The following CDK13 variants were observed in gnomAD, a reference collection of about 807,000 sequenced individuals.
CDK13 encodes cyclin-dependent kinase 13.
A neutral mutation model predicts 137.6 loss-of-function variants in CDK13; 40 were observed. The ratio of observed to expected loss-of-function variants is 0.29; its 90% CI spans 0.23 to 0.38. The LOEUF (loss-of-function observed/expected upper bound fraction) is 0.38. Ranked by LOEUF, CDK13 falls within the 10% of genes least tolerant of loss-of-function variation. The pLI, the probability that CDK13 is intolerant of heterozygous loss-of-function variation, is 1.00. For synonymous variants in CDK13, 869 were observed against 760.1 expected (o/e 1.14, Z -2.36); for missense variants, 1,704 against 1,951.8 (o/e 0.87, Z 2.39).
chr7:39,966,268 A>G (rs1783868140), intron 1 of CDK13, among the ~76,000 whole-genome samples: 1 of 152,074 alleles, frequency 6.6e-6, no homozygotes, highest in East Asian at 1.9e-4. Context: ...TCAGATGTAG[A>G]TTTGGTGTTT....
At chr7:39,954,174 T>C (rs1486989943) in intron 1 of CDK13, among the ~76,000 whole-genome samples, 1 of 152,116 alleles carries the variant, frequency 6.6e-6, no homozygotes, top group Non-Finnish European at 1.5e-5. Context: ...GATTTCTGAG[T>C]CTTCTAGACT....
rs1418145806 is a variant in CDK13 at position 40,098,453 on chromosome 7, G to GT, written c.*3474dup. On this transcript the variant is annotated 3_prime_UTR_variant, in exon 14 of 14. Coordinates refer to ENST00000181839, the MANE Select transcript of CDK13 (RefSeq NM_003718.5). Reference sequence around the variant, plus strand: ...GGTGAATCCTTCTTGTAGGACATAGGTAAAAAAAACAAAGCTGAAATATAT... The same window carrying GT: ...GGTGAATCCTTCTTGTAGGACATAGGTTAAAAAAAACAAAGCTGAAATATAT... 6.6e-6 allele frequency: 1 copy of GT among 150,634 alleles called. No individual in the cohort carries two copies. Among genetic ancestry groups the GT allele is most frequent in the Admixed American group, 6.6e-5 (1 of 15,138 alleles). The allele number at this position is 150,634 out of a possible 1,614,324, so 9.3% of individuals were successfully genotyped here. A position where few individuals can be genotyped will look rare whatever the true frequency, so the allele number is the denominator to read the frequency against.
In CDK13 at chr7:39,951,042, C is replaced by T. The variant is rs920813876; in HGVS notation, c.401C>T (p.Ala134Val). Residue 134 changes from alanine to valine, a missense_variant, in exon 1 of 14, where the codon GCT (alanine) becomes GTT (valine). This residue lies in a region of CDK13 where 1,051 missense variants were observed against 931.0 expected (regional missense o/e 1.13). Coordinates refer to ENST00000181839, the MANE Select transcript of CDK13 (RefSeq NM_003718.5). ...PQPQQDGGGG[A>V]SSGGGVTPLV... ...CCGCAGCAGGACGGCGGTGGCGGTGCTAGTAGCGGCGGGGGTGTGACCCCG... is the reference window on the plus strand; with the variant it reads ...CCGCAGCAGGACGGCGGTGGCGGTGTTAGTAGCGGCGGGGGTGTGACCCCG... 1.2e-5 allele frequency: 15 copies of T among 1,288,538 alleles called. No homozygotes were observed. The African/African-American group carries it at 1.2e-4, about 11-fold the overall frequency. 79.8% of individuals were successfully genotyped at this position (1,288,538 alleles called of 1,614,324 possible). A position where few individuals can be genotyped will look rare whatever the true frequency, so the allele number is the denominator to read the frequency against.
intron 11 of CDK13, among the ~76,000 whole-genome samples, 179 bp from the exon 12 acceptor site, chr7:40,087,947 C>G (rs1786827927): frequency 6.6e-6 from 1 of 152,068 alleles, no homozygotes; most frequent in Admixed American, 6.6e-5. Flanking sequence ...AAAGGCAAAG[C>G]AAGCCCTGAA....
At chr7:39,959,839 TTG>T (rs1310547706) in intron 1 of CDK13, among the ~76,000 whole-genome samples, 2 of 61,502 alleles carry the variant, frequency 3.3e-5, no homozygotes, top group Admixed American at 1.8e-4. Flanking sequence ...AGCTACTAAC[TTG>T]TTTTTTTTTT....
intron 5 of CDK13, among the ~76,000 whole-genome samples, chr7:40,032,148 A>G (rs1325817920): frequency 6.6e-6 from 1 of 150,912 alleles, no homozygotes; most frequent in African/African-American, 2.4e-5. Flanking sequence ...CCTCTTCCCC[A>G]CAGGCTCAAG....
intron 11 of CDK13, among the ~76,000 whole-genome samples, chr7:40,087,545 TG>T (rs1430741968): frequency 3.7e-4 from 46 of 123,684 alleles, no homozygotes; most frequent in East Asian, 2.4e-3. Flanking sequence ...GCAATAGTGG[TG>T]TTTTTTTTTT....
intron 5 of CDK13, among the ~76,000 whole-genome samples, chr7:40,026,693 T>C (rs2150501140): frequency 6.6e-6 from 1 of 152,332 alleles, no homozygotes; most frequent in South Asian, 2.1e-4. Context: ...GAAAGGCAGA[T>C]GGTAGATTAA....
chr7:39,998,980 A>G (rs536537716), intron 3 of CDK13: 7 of 154,238 alleles, frequency 4.5e-5, no homozygotes, highest in Admixed American at 6.5e-5. Flanking sequence ...TAGATTATAT[A>G]TATTATTGTT....
At chr7:39,979,812 AGGCTGTAG>A (rs1401298486) in intron 1 of CDK13, among the ~76,000 whole-genome samples, 1 of 152,024 alleles carries the variant, frequency 6.6e-6, no homozygotes, top group Non-Finnish European at 1.5e-5. Context: ...TATAAAAGAG[AGGCTGTAG>A]GGTCTAGTCA....
intron 7 of CDK13, 186 bp downstream of exon 7, chr7:40,048,063 C>G: frequency 2.5e-6 from 1 of 401,778 alleles, no homozygotes; most frequent in Non-Finnish European, 4.4e-6. Context: ...TATACATTAT[C>G]TCAATTTAAA....
At chr7:40,020,413 C>T (rs1201951634) in intron 5 of CDK13, among the ~76,000 whole-genome samples, 1 of 152,090 alleles carries the variant, frequency 6.6e-6, no homozygotes, top group East Asian at 1.9e-4. Context: ...AGCCACTTTA[C>T]CAACCAGGAT....
At chr7:40,050,537 G>A (rs1212545949) in intron 7 of CDK13, among the ~76,000 whole-genome samples, 1 of 152,124 alleles carries the variant, frequency 6.6e-6, no homozygotes, top group Non-Finnish European at 1.5e-5. Context: ...GACTGCAGAT[G>A]TGCACCACCA....
At chr7:39,955,179 G>A (rs964942458) in intron 1 of CDK13, among the ~76,000 whole-genome samples, 1 of 152,110 alleles carries the variant, frequency 6.6e-6, no homozygotes, top group Non-Finnish European at 1.5e-5. Flanking sequence ...CTGAAAAGAG[G>A]GGAGGGTACC....
rs1787155488 is a variant in CDK13, at chr7:39,951,039, G to A, written c.398G>A (p.Gly133Asp). 1 of 1,289,386 alleles carries A rather than the reference G, an allele frequency of 7.8e-7. No homozygotes were observed. The highest frequency in any genetic ancestry group is 2.6e-5 in the South Asian group (1 of 39,096). The allele number at this position is 1,289,386 out of a possible 1,614,324, so 79.9% of individuals were successfully genotyped here. A position where few individuals can be genotyped will look rare whatever the true frequency, so the allele number is the denominator to read the frequency against. The change falls in exon 1 of 14, where the codon GGT becomes GAT. Residue 133 changes from glycine to aspartate, a missense_variant. Physicochemically the swap from Gly to Asp is moderately conservative, Grantham distance 94. Around this residue, in one of 5 missense-constraint regions of CDK13, gnomAD observed 1,051 missense variants for 931.0 expected, o/e 1.13. Transcript: ENST00000181839. ...CAGCCGCAGCAGGACGGCGGTGGCG[G>A]TGCTAGTAGCGGCGGGGGTGTGACC... ...LPQPQQDGGGGASSGGGVTPL... is the reference protein window; with the variant it reads ...LPQPQQDGGGDASSGGGVTPL...
intron 5 of CDK13, among the ~76,000 whole-genome samples, chr7:40,016,494 C>T (rs1458531916): frequency 2.0e-5 from 3 of 152,206 alleles, no homozygotes; most frequent in East Asian, 3.9e-4. Context: ...CATACAGTTA[C>T]CATATAAAAC....
At chr7:40,076,811 A>G (rs1452425151) in intron 9 of CDK13, among the ~76,000 whole-genome samples, 3 of 152,208 alleles carry the variant, frequency 2.0e-5, no homozygotes, top group Non-Finnish European at 4.4e-5. Flanking sequence ...ACATTTATAC[A>G]TGCATTTGTA....
chr7:40,026,103 A>G (rs1785236531), intron 5 of CDK13, among the ~76,000 whole-genome samples: 1 of 152,224 alleles, frequency 6.6e-6, no homozygotes, highest in African/African-American at 2.4e-5. Context: ...TCTTTTAAGT[A>G]CTAAACATGT....
chr7:40,033,635 C>G (rs1160695870), intron 5 of CDK13, among the ~76,000 whole-genome samples: 2 of 151,990 alleles, frequency 1.3e-5, no homozygotes, highest in Non-Finnish European at 2.9e-5. Context: ...TCCCTGTTGT[C>G]TTTTGGTTTC....
Sources: gnomAD v4.1 joint callset for allele counts (sites outside exome capture counted in the v4.1 genomes callset) on GRCh38, gnomAD v4.1.1 for gene constraint, gnomAD v4.1.1 regional missense constraint, MANE v1.5 for transcripts, NCBI Gene and HGNC (gene_info 2026-07-23, HGNC 2026-07-21) for gene names.